NELL1: variants seen among roughly 807,000 people sequenced by gnomAD.
The protein encoded by NELL1 is neural EGFL like 1, also known as protein kinase C-binding protein NELL1.
In NELL1, 76 loss-of-function variants were observed where a neutral mutation model predicts 107.4. That is an observed-to-expected ratio of 0.71 (90% CI 0.59 to 0.86). The LOEUF is 0.86. Ranked by LOEUF, NELL1 falls within the 40% of genes least tolerant of loss-of-function variation. The pLI, the probability that NELL1 is intolerant of heterozygous loss-of-function variation, is 0.00. For synonymous variants in NELL1, 353 were observed against 341.2 expected (o/e 1.03, Z -0.38); for missense variants, 1,024 against 1,005.5 (o/e 1.02, Z -0.25).
At chr11:20,942,968 G>T (rs925475096) in intron 10 of NELL1, among the ~76,000 whole-genome samples, 1 of 152,072 alleles carries the variant, frequency 6.6e-6, no homozygotes, top group Non-Finnish European at 1.5e-5. Flanking sequence ...TATGGGCATG[G>T]ATTTGAATGC....
chr11:21,504,072 T>C (rs1225332138), intron 15 of NELL1: 1 of 152,220 alleles, frequency 6.6e-6, no homozygotes, highest in African/African-American at 2.4e-5. Flanking sequence ...TTGATTTTCT[T>C]TCTCTCTTTC....
intron 15 of NELL1, among the ~76,000 whole-genome samples, chr11:21,412,318 G>T (rs1306475683): frequency 6.6e-6 from 1 of 151,964 alleles, no homozygotes; most frequent in Non-Finnish European, 1.5e-5. Context: ...TTTATAGATA[G>T]GACATAAATG....
chr11:21,351,703 A>G (rs1850819626), intron 14 of NELL1, among the ~76,000 whole-genome samples: 1 of 152,020 alleles, frequency 6.6e-6, no homozygotes, highest in Admixed American at 6.6e-5. Flanking sequence ...CTTCCATCAC[A>G]CTGATTGAGG....
intron 12 of NELL1, among the ~76,000 whole-genome samples, chr11:21,079,322 C>T (rs1465061522): frequency 2.0e-5 from 3 of 151,848 alleles, no homozygotes; most frequent in East Asian, 3.9e-4. Context: ...TTTAATGCAC[C>T]GTTCTCAGTT....
rs189006023 is a variant in NELL1, at chr11:20,833,945, G to A, written c.336-13638G>A. On this transcript the variant is annotated intron_variant, in intron 3 of 19. Coordinates refer to ENST00000357134, the MANE Select transcript of NELL1 (RefSeq NM_006157.5). Reference sequence around the variant, plus strand: ...GCTAAAGCATGTAGTTTCCTGAAGCGCATGCCTAAGACTTCTAGGCTTGAG... The same window carrying A: ...GCTAAAGCATGTAGTTTCCTGAAGCACATGCCTAAGACTTCTAGGCTTGAG... Among the ~76,000 whole-genome samples, 75 of 152,296 alleles carry A rather than the reference G, an allele frequency of 4.9e-4. No homozygotes were observed. In the East Asian group the frequency reaches 8.3e-3, roughly 17 times the overall value.
At chr11:20,895,584 C>T (rs1341667043) in intron 5 of NELL1, among the ~76,000 whole-genome samples, 1 of 149,154 alleles carries the variant, frequency 6.7e-6, no homozygotes, top group Non-Finnish European at 1.5e-5. Flanking sequence ...TGGCTCACTG[C>T]AACCTCCGCC....
At chr11:20,784,739 A>G (rs1856919977) in intron 3 of NELL1, among the ~76,000 whole-genome samples, 1 of 152,202 alleles carries the variant, frequency 6.6e-6, no homozygotes, top group African/African-American at 2.4e-5. Flanking sequence ...CCTCTGTATT[A>G]GTCCACTGAA....
chr11:20,864,595 C>G (rs1432066110), intron 4 of NELL1, among the ~76,000 whole-genome samples: 1 of 152,180 alleles, frequency 6.6e-6, no homozygotes, highest in Non-Finnish European at 1.5e-5. Flanking sequence ...TCCCAATTGG[C>G]AGGGGTCAAT....
intron 5 of NELL1, among the ~76,000 whole-genome samples, chr11:20,916,622 C>T (rs1374672785): frequency 2.0e-5 from 3 of 151,876 alleles, no homozygotes; most frequent in Non-Finnish European, 2.9e-5. Flanking sequence ...AATTCTGCAT[C>T]GCCTGGGGTA....
At chr11:20,781,874 CA>C (rs138345829) in intron 2 of NELL1, among the ~76,000 whole-genome samples, 4,508 of 77,236 alleles carry the variant, frequency 0.058, 185 homozygotes, top group African/African-American at 0.17. Flanking sequence ...ACCAAAAATA[CA>C]AAAAAAAAAA....
At chr11:21,497,495 GAAT>G (rs951226964) in intron 15 of NELL1, among the ~76,000 whole-genome samples, 2 of 151,924 alleles carry the variant, frequency 1.3e-5, no homozygotes, top group African/African-American at 4.8e-5. Context: ...AATTTCAGGT[GAAT>G]AATTGTTATT....
intron 2 of NELL1, among the ~76,000 whole-genome samples, chr11:20,723,675 A>G (rs1366267162): frequency 6.6e-6 from 1 of 152,062 alleles, no homozygotes; most frequent in South Asian, 2.1e-4. Context: ...TCTGGCATCT[A>G]GAGAATGGTG....
At chr11:20,966,283 A>G (rs1372228038) in intron 12 of NELL1, among the ~76,000 whole-genome samples, 1 of 152,116 alleles carries the variant, frequency 6.6e-6, no homozygotes, top group African/African-American at 2.4e-5. Context: ...GAAGTGGGCA[A>G]GAGGGGGCAG....
rs764803086 is a variant in NELL1 at position 20,885,498 on chromosome 11, T to C, written c.561T>C (p.Asn187=). ...PPDTNLPPGI[N]LWLGQRNQKH... is the part of the protein sequence containing the mutation. ...ATACCAACCTTCCCCCAGGAATCAA[T>C]TTATGGCTTGGCCAGCGCAACCAAA... The change falls in exon 5 of 20, where the codon AAT becomes AAC. Residue 187 remains asparagine, a synonymous_variant. Coordinates refer to ENST00000357134, the MANE Select transcript of NELL1 (RefSeq NM_006157.5). 3 of 1,613,780 alleles carry C rather than the reference T, an allele frequency of 1.9e-6. No homozygotes were observed. The highest frequency in any genetic ancestry group is 2.2e-5 in the East Asian group (1 of 44,882).
At chr11:21,101,929 C>T (rs925282572) in intron 12 of NELL1, among the ~76,000 whole-genome samples, 20 of 152,090 alleles carry the variant, frequency 1.3e-4, no homozygotes, top group Non-Finnish European at 2.1e-4. Context: ...AGAGCAGTGG[C>T]GTGATCTTGG....
intron 13 of NELL1, among the ~76,000 whole-genome samples, chr11:21,227,662 G>T (rs1288383884): frequency 6.6e-6 from 1 of 152,252 alleles, no homozygotes; most frequent in African/African-American, 2.4e-5. Flanking sequence ...TACTGTTTCT[G>T]GAGTGTGCCG....
chr11:21,293,942 C>T (rs1348199286), intron 14 of NELL1, among the ~76,000 whole-genome samples: 1 of 151,796 alleles, frequency 6.6e-6, no homozygotes, highest in East Asian at 1.9e-4. Flanking sequence ...GAGTGGGGGA[C>T]TAGGGGAGGG....
intron 14 of NELL1, among the ~76,000 whole-genome samples, chr11:21,242,124 A>G (rs545119544): frequency 1.3e-5 from 2 of 151,188 alleles, no homozygotes; most frequent in East Asian, 2.0e-4. Context: ...AACACATGAG[A>G]AACTGCTTGT....
At chr11:21,089,593 C>T (rs112198856) in intron 12 of NELL1, among the ~76,000 whole-genome samples, 84 of 152,128 alleles carry the variant, frequency 5.5e-4, no homozygotes, top group African/African-American at 1.7e-3. Flanking sequence ...GCTGTTTATT[C>T]GTAAACTTGT....
Sources: allele counts gnomAD v4.1 joint callset (sites outside exome capture counted in the v4.1 genomes callset), GRCh38; gene constraint gnomAD v4.1.1; transcripts MANE v1.5; gene names NCBI Gene and HGNC (gene_info 2026-07-23, HGNC 2026-07-21).